Variants in UTS2B observed in about 807,000 individuals in gnomAD.
UTS2B encodes the protein urotensin 2B.
Under a neutral mutation model 19.2 loss-of-function variants are expected in UTS2B, and 21 were observed. That is an observed-to-expected ratio of 1.09 (90% CI 0.78 to 1.58). UTS2B has a LOEUF of 1.58. Ranked by LOEUF, UTS2B falls within the 40% of genes most tolerant of loss-of-function variation. UTS2B has a pLI of 0.00. For missense variants in UTS2B, 138 were observed against 130.3 expected (o/e 1.06, Z -0.29); for synonymous variants, 57 against 50.2 (o/e 1.14, Z -0.58).
intron 4 of UTS2B, among the ~76,000 whole-genome samples, chr3:191,297,107 T>C (rs1379896123): frequency 6.6e-6 from 1 of 152,206 alleles, no homozygotes; most frequent in Non-Finnish European, 1.5e-5. Flanking sequence ...CTATAACTTC[T>C]GTGCCTTTTC....
chr3:191,340,731 A>G, the UTS2B span, among the ~76,000 whole-genome samples: 10 of 152,242 alleles, frequency 6.6e-5, no homozygotes, highest in East Asian at 1.5e-3. Flanking sequence ...TGTATAGGAA[A>G]CATATTCTCC....
intron 4 of UTS2B, among the ~76,000 whole-genome samples, chr3:191,297,151 A>G (rs984352016): frequency 2.0e-5 from 3 of 152,036 alleles, no homozygotes; most frequent in Non-Finnish European, 4.4e-5. Flanking sequence ...TGAACTGTGG[A>G]TTATCCTAAA....
rs568697217 is a variant in UTS2B at position 191,277,264 on chromosome 3, G to C, written c.203-420C>G. Among the ~76,000 whole-genome samples the C allele has an allele frequency of 2.9e-4, 44 of 152,072 alleles. No homozygotes were observed. The East Asian group carries it at 6.6e-3, about 23-fold the overall frequency. On this transcript the variant is annotated intron_variant, in intron 6 of 8. Coordinates refer to ENST00000340524, the MANE Select transcript of UTS2B (RefSeq NM_198152.5). ...AAAATACTAAGGCTAACTTGCTCCAGGTTTTAAAATTTGGGTATAAATTTT... is the reference window on the plus strand; with the variant it reads ...AAAATACTAAGGCTAACTTGCTCCACGTTTTAAAATTTGGGTATAAATTTT...
At position 191,267,541 on chromosome 3, in the gene UTS2B, A is replaced by AAT. The variant is rs1715969056; in HGVS notation, c.*874_*875insAT. The AAT allele has an allele frequency of 6.6e-6, 1 of 152,244 alleles. No individual in the cohort carries two copies. The highest frequency in any genetic ancestry group is 1.5e-5 in the Non-Finnish European group (1 of 68,052). 9.4% of individuals were successfully genotyped at this position (152,244 alleles called of 1,614,324 possible). A position where few individuals can be genotyped will look rare whatever the true frequency, so the allele number is the denominator to read the frequency against. On this transcript the variant is annotated 3_prime_UTR_variant, in exon 9 of 9. Coordinates refer to ENST00000340524, the MANE Select transcript of UTS2B (RefSeq NM_198152.5). The stretch of plus-strand genomic sequence containing the variant: ...CAGGCGGATCAGCAGGTTGAGAAAT[A>AAT]ACAGACACACACAAGATAGTGAAAG...
intron 2 of UTS2B, among the ~76,000 whole-genome samples, chr3:191,321,303 G>A (rs1320630481): frequency 6.6e-6 from 1 of 152,028 alleles, no homozygotes; most frequent in Non-Finnish European, 1.5e-5. Context: ...ATTATCAGAA[G>A]GCTATACTCT....
At position 191,272,519 on chromosome 3, in the gene UTS2B, G is replaced by A. The variant is rs138377613; in HGVS notation, c.334+2733C>T. On this transcript the variant is annotated intron_variant, in intron 8 of 8. Coordinates refer to ENST00000340524, the MANE Select transcript of UTS2B (RefSeq NM_198152.5). Reference sequence around the variant, plus strand: ...TGTTCCTTTGCTAATTGTTGGATATGTATGGGGTGAATAATAACTCATCTT... The same window carrying A: ...TGTTCCTTTGCTAATTGTTGGATATATATGGGGTGAATAATAACTCATCTT... Among the ~76,000 whole-genome samples, 278 of 152,290 alleles carry A rather than the reference G, an allele frequency of 1.8e-3. 2 individuals carry two copies. The highest frequency in any genetic ancestry group is 6.5e-3 in the African/African-American group (272 of 41,566).
Position 191,282,284 on chromosome 3 carries a change from A to G in UTS2B, c.-95T>C. On this transcript the variant is annotated 5_prime_UTR_variant, in exon 5 of 9. Transcript: ENST00000340524. The stretch of plus-strand genomic sequence containing the variant: ...TGGAATTCAGTAGAGCTTAGTTGCA[A>G]AAGGCAAGTGTGCCTCAGTTACGAA... 1 of 841,424 alleles carries G rather than the reference A, an allele frequency of 1.2e-6. No homozygotes were observed. Among genetic ancestry groups the G allele is most frequent in the African/African-American group, 1.7e-5 (1 of 58,590 alleles). The allele number at this position is 841,424 out of a possible 1,614,324, so 52.1% of individuals were successfully genotyped here.
the UTS2B span, among the ~76,000 whole-genome samples, chr3:191,339,669 A>T: frequency 6.6e-6 from 1 of 152,202 alleles, no homozygotes; most frequent in African/African-American, 2.4e-5. Flanking sequence ...TGACTTTCCC[A>T]GGCTGTACTC....
intron 8 of UTS2B, among the ~76,000 whole-genome samples, chr3:191,274,891 C>T (rs1174921015): frequency 1.3e-5 from 2 of 152,160 alleles, no homozygotes; most frequent in Non-Finnish European, 2.9e-5. Flanking sequence ...AACGAAGTTT[C>T]CCCTTATGTC....
At chr3:191,313,622 G>C (rs1388668317) in intron 3 of UTS2B, among the ~76,000 whole-genome samples, 1 of 151,696 alleles carries the variant, frequency 6.6e-6, no homozygotes, top group African/African-American at 2.4e-5. Context: ...TTGTCATACT[G>C]TCTGCTCACC....
At chr3:191,309,961 TTTC>T (rs1157585528) in intron 3 of UTS2B, among the ~76,000 whole-genome samples, 1 of 151,574 alleles carries the variant, frequency 6.6e-6, no homozygotes, top group African/African-American at 2.4e-5. Flanking sequence ...TTTTCCTTTC[TTTC>T]TTTTTTTTCT....
intron 1 of UTS2B, chr3:191,329,661 G>A: frequency 1.2e-6 from 2 of 1,606,996 alleles, no homozygotes; most frequent in Non-Finnish European, 1.7e-6. Context: ...GGGCAACCGG[G>A]ACCCTGGCCC....
chr3:191,338,728 T>A, the UTS2B span, among the ~76,000 whole-genome samples: 3 of 152,234 alleles, frequency 2.0e-5, no homozygotes, highest in Admixed American at 2.0e-4. Flanking sequence ...ATTTTACTTT[T>A]ACTTTTTGTT....
At chr3:191,309,821 A>G (rs536106775) in intron 3 of UTS2B, among the ~76,000 whole-genome samples, 1 of 152,268 alleles carries the variant, frequency 6.6e-6, no homozygotes, top group African/African-American at 2.4e-5. Context: ...CGCCATGATT[A>G]TAAGTTCCCT....
At chr3:191,318,658 A>G (rs1406502947) in intron 2 of UTS2B, among the ~76,000 whole-genome samples, 1 of 152,044 alleles carries the variant, frequency 6.6e-6, no homozygotes, top group Non-Finnish European at 1.5e-5. Flanking sequence ...TTTGGTAGAG[A>G]TGGGGTTTCA....
At chr3:191,287,441 G>A (rs2124078) in intron 4 of UTS2B, among the ~76,000 whole-genome samples, 76,761 of 151,850 alleles carry the variant, frequency 0.51, 21,146 homozygotes, top group Middle Eastern at 0.63. Context: ...ATACAAGGAT[G>A]TTTTACATAC....
intron 3 of UTS2B, among the ~76,000 whole-genome samples, chr3:191,312,744 C>G (rs1228678899): frequency 2.0e-5 from 3 of 152,130 alleles, no homozygotes; most frequent in Non-Finnish European, 4.4e-5. Flanking sequence ...TGATCTAACC[C>G]CAAAACGTCA....
At chr3:191,318,449 G>C (rs1317190960) in intron 2 of UTS2B, among the ~76,000 whole-genome samples, 1 of 152,054 alleles carries the variant, frequency 6.6e-6, no homozygotes, top group Non-Finnish European at 1.5e-5. Flanking sequence ...AATGTTTCCA[G>C]CTTGAAGATC....
At chr3:191,338,790 G>A in the UTS2B span, among the ~76,000 whole-genome samples, 4 of 152,154 alleles carry the variant, frequency 2.6e-5, no homozygotes, top group Non-Finnish European at 4.4e-5. Flanking sequence ...TTGGTGTTGT[G>A]ATTGACAACA....
Sources: allele counts gnomAD v4.1 joint callset (sites outside exome capture counted in the v4.1 genomes callset), GRCh38; gene constraint gnomAD v4.1.1; transcripts MANE v1.5; gene names NCBI Gene and HGNC (gene_info 2026-07-23, HGNC 2026-07-21).